PKHD1L1: variants seen among roughly 807,000 people sequenced by gnomAD.
PKHD1L1 encodes PKHD1 like 1.
PKHD1L1 carries 434 observed loss-of-function variants against 462.9 expected under a neutral mutation model. The observed-to-expected ratio is 0.94, with a 90% CI of 0.87 to 1.02. The LOEUF (loss-of-function observed/expected upper bound fraction) is 1.02, where lower values mean the gene tolerates loss of function less well. Among genes scored for constraint, PKHD1L1 ranks in the 50% least tolerant of loss-of-function variants. The pLI is 0.00. For missense variants in PKHD1L1, 5,202 were observed against 5,096.1 expected (o/e 1.02, Z -0.63); for synonymous variants, 1,781 against 1,750.0 (o/e 1.02, Z -0.44).
intron 20 of PKHD1L1, among the ~76,000 whole-genome samples, chr8:109,413,173 T>A (rs1813949051): frequency 6.6e-6 from 1 of 152,140 alleles, no homozygotes; most frequent in East Asian, 1.9e-4. Context: ...TAAAGGAAAC[T>A]ATACCTAAAA....
chr8:109,389,489 A>T (rs1301930300), intron 8 of PKHD1L1, among the ~76,000 whole-genome samples: 1 of 147,780 alleles, frequency 6.8e-6, no homozygotes, highest in Non-Finnish European at 1.5e-5. Context: ...AGACACATAG[A>T]TCTTTTAAGA....
chr8:109,515,161 C>T lies in PKHD1L1; in HGVS notation c.11554-9C>T. ...TGTTGCTTTCTTAAAACTTTTTTTT[C>T]TTTAATAGGCTGTTCTAGTAGGAAT... On this transcript the variant is annotated splice_polypyrimidine_tract_variant and intron_variant, in intron 71 of 77. Coordinates refer to ENST00000378402, the MANE Select transcript of PKHD1L1 (RefSeq NM_177531.6). 3 of 1,541,860 alleles carry T rather than the reference C, an allele frequency of 1.9e-6. No individual in the cohort carries two copies. The Admixed American group carries it at 6.6e-5, about 34-fold the overall frequency.
chr8:109,368,949 G>C (rs1307505221), intron 2 of PKHD1L1, among the ~76,000 whole-genome samples: 2 of 151,796 alleles, frequency 1.3e-5, no homozygotes, highest in Non-Finnish European at 2.9e-5. Context: ...CAGAGGTGGT[G>C]TTTTTATCTT....
rs1197673607 is a variant in PKHD1L1, at chr8:109,466,665, C to T, written c.8501C>T (p.Pro2834Leu). 4.3e-6 allele frequency: 7 copies of T among 1,611,438 alleles called. No individual in the cohort carries two copies. Among genetic ancestry groups the T allele is most frequent in the Non-Finnish European group, 5.9e-6 (7 of 1,178,810 alleles). ...TQEAEWSIGFPGSVCDASVSF... is the reference protein window; with the variant it reads ...TQEAEWSIGFLGSVCDASVSF... ...GAAGCTGAGTGGAGCATTGGGTTCC[C>T]TGGATCAGTCTGTGATGCTTCAGTC... Residue 2834 changes from proline (P) to leucine (L), a missense_variant, in exon 50 of 78, where the codon CCT (proline) becomes CTT (leucine). By Grantham distance (98) the Pro-to-Leu change is moderately conservative (BLOSUM62 -3). Transcript: ENST00000378402.
chr8:109,490,756 A>G (rs549654455), intron 60 of PKHD1L1, among the ~76,000 whole-genome samples: 1 of 151,830 alleles, frequency 6.6e-6, no homozygotes, highest in South Asian at 2.1e-4. Flanking sequence ...AAGCATATAT[A>G]TTCAATATAT....
In PKHD1L1 at chr8:109,415,864, G is replaced by GTGTGT. The variant is rs1554637087; in HGVS notation, c.2360+2319_2360+2320insTGTGT. On this transcript the variant is annotated intron_variant, in intron 21 of 77. Transcript: ENST00000378402. ...CCTTGTCTTAAAAAAAAAAAAAAGG[G>GTGTGT]GTGTGTGTGTGTGTGTGTGTGTGTG... Among the ~76,000 whole-genome samples the GTGTGT allele has an allele frequency of 3.5e-3, 349 of 100,420 alleles. 3 individuals carry two copies. The highest frequency in any genetic ancestry group is 4.4e-3 in the Middle Eastern group (1 of 226). The allele number at this position is 100,420 out of a possible 152,430, so 65.9% of individuals were successfully genotyped here.
chr8:109,464,098 A>T, intron 48 of PKHD1L1, 118 bp from the exon 49 acceptor site: 1 of 698,168 alleles, frequency 1.4e-6, no homozygotes, highest in South Asian at 6.9e-5. Context: ...AAACATGAAA[A>T]ATTTGGAAGA....
chr8:109,367,941 G>C (rs1278536457), intron 2 of PKHD1L1, among the ~76,000 whole-genome samples: 1 of 152,124 alleles, frequency 6.6e-6, no homozygotes, highest in Non-Finnish European at 1.5e-5. Context: ...TGCTTCAGGA[G>C]ATATAGATAC....
chr8:109,500,983 A>G (rs771685884), intron 67 of PKHD1L1, among the ~76,000 whole-genome samples: 9 of 151,994 alleles, frequency 5.9e-5, no homozygotes, highest in Non-Finnish European at 1.2e-4. Flanking sequence ...GGGAACTATG[A>G]CCTCCAGACT....
intron 48 of PKHD1L1, 123 bp from the exon 49 acceptor site, chr8:109,464,093 T>C (rs1386604823): frequency 4.6e-6 from 3 of 653,856 alleles, no homozygotes; most frequent in Non-Finnish European, 6.2e-6. Flanking sequence ...ATAATAAACA[T>C]GAAAAATTTG....
intron 56 of PKHD1L1, among the ~76,000 whole-genome samples, 158 bp from the exon 57 acceptor site, chr8:109,482,829 C>T (rs1488314352): frequency 6.6e-6 from 1 of 151,638 alleles, no homozygotes; most frequent in Non-Finnish European, 1.5e-5. Flanking sequence ...AGGGCCACGT[C>T]TTCTTACATG....
intron 36 of PKHD1L1, 91 bp from the exon 37 acceptor site, chr8:109,443,585 T>A: frequency 2.0e-6 from 2 of 1,015,214 alleles, no homozygotes; most frequent in Middle Eastern, 5.8e-4. Context: ...ATTTAAACCA[T>A]CATCATCAAA....
intron 10 of PKHD1L1, among the ~76,000 whole-genome samples, chr8:109,395,047 G>T (rs577936038): frequency 6.6e-6 from 1 of 152,316 alleles, no homozygotes; most frequent in African/African-American, 2.4e-5. Context: ...GCTGCAGCTG[G>T]CTGTGCTGCT....
In PKHD1L1 at chr8:109,413,545, A is replaced by G. The variant is rs775653806; in HGVS notation, c.2360A>G (p.Asn787Ser). ...QFTYNFAYGN[N>S]WTYTCIDLLD... ...ACATACAACTTTGCTTATGGAAACA[A>G]GTAAGTTACGCTATGAATTTGAAAA... The change falls in exon 21 of 78, where the codon AAC becomes AGC. Residue 787 changes from asparagine (N) to serine (S), a missense_variant and splice_region_variant. Around this residue, in one of 3 missense-constraint regions of PKHD1L1, gnomAD observed 4,497 missense variants for 4,336.8 expected, o/e 1.04. Coordinates refer to ENST00000378402, the MANE Select transcript of PKHD1L1 (RefSeq NM_177531.6). 5.9e-6 allele frequency: 9 copies of G among 1,517,414 alleles called. No individual in the cohort carries two copies. Among genetic ancestry groups the G allele is most frequent in the African/African-American group, 1.4e-5 (1 of 72,350 alleles). 94.0% of individuals were successfully genotyped at this position (1,517,414 alleles called of 1,614,324 possible).
chr8:109,466,669 A>T lies in PKHD1L1; in HGVS notation c.8505A>T (p.Gly2835=). 3 of 1,611,806 alleles carry T rather than the reference A, an allele frequency of 1.9e-6. No individual in the cohort carries two copies. Among genetic ancestry groups the T allele is most frequent in the Non-Finnish European group, 2.5e-6 (3 of 1,178,986 alleles). The change falls in exon 50 of 78, where the codon GGA becomes GGT. Residue 2835 remains glycine, a synonymous_variant. Coordinates refer to ENST00000378402, the MANE Select transcript of PKHD1L1 (RefSeq NM_177531.6). ...CTGAGTGGAGCATTGGGTTCCCTGG[A>T]TCAGTCTGTGATGCTTCAGTCAGCT... The part of the protein sequence containing the change: ...QEAEWSIGFP[G]SVCDASVSFH...
At chr8:109,524,382 T>C (rs1820711846) in intron 76 of PKHD1L1, among the ~76,000 whole-genome samples, 1 of 152,198 alleles carries the variant, frequency 6.6e-6, no homozygotes, top group Non-Finnish European at 1.5e-5. Flanking sequence ...TGATAATGTG[T>C]CCCACTGCTT....
In PKHD1L1 at chr8:109,510,768, T is replaced by A. The variant is rs372157171; in HGVS notation, c.11396-9T>A. 45 of 1,608,046 alleles carry A rather than the reference T, an allele frequency of 2.8e-5. No homozygotes were observed. Among genetic ancestry groups the A allele is most frequent in the Non-Finnish European group, 3.7e-5 (43 of 1,177,736 alleles). ...TAGGAGTATGCACTTTCATTTTGCATGGATTTAGGCCCACAGGATCATGGC... is the reference window on the plus strand; with the variant it reads ...TAGGAGTATGCACTTTCATTTTGCAAGGATTTAGGCCCACAGGATCATGGC... On this transcript the variant is annotated splice_polypyrimidine_tract_variant and intron_variant, in intron 70 of 77. Transcript: ENST00000378402.
chr8:109,475,223 A>C lies in PKHD1L1; in HGVS notation c.8711A>C (p.Asp2904Ala), dbSNP rs1270518901. Residue 2904 changes from aspartate to alanine, a missense_variant, in exon 51 of 78, where the codon GAT (aspartate) becomes GCT (alanine). Physicochemically the swap from Asp to Ala is moderately radical, Grantham distance 126. Transcript: ENST00000378402. ...NHINWYFKGV[D>A]HITNISYTST... is the part of the protein sequence containing the mutation. ...ATTAACTGGTATTTTAAAGGTGTGG[A>C]TCACATAACCAACATTTCATATACA... 3 of 1,611,752 alleles carry C rather than the reference A, an allele frequency of 1.9e-6. No homozygotes were observed. The highest frequency in any genetic ancestry group is 1.1e-5 in the South Asian group (1 of 90,950).
chr8:109,466,990 C>T (rs1817476649), intron 50 of PKHD1L1, among the ~76,000 whole-genome samples: 1 of 152,010 alleles, frequency 6.6e-6, no homozygotes, highest in Non-Finnish European at 1.5e-5. Context: ...CAAGAAACCT[C>T]CAGACAATAT....
Sources: allele counts gnomAD v4.1 joint callset (sites outside exome capture counted in the v4.1 genomes callset), GRCh38; gene constraint gnomAD v4.1.1; regional missense constraint gnomAD v4.1.1; transcripts MANE v1.5; gene names NCBI Gene and HGNC (gene_info 2026-07-23, HGNC 2026-07-21).